The following ZPBP variants were observed in gnomAD, a reference collection of about 807,000 sequenced individuals.
ZPBP encodes the protein zona pellucida-binding protein 1.
In ZPBP, 26 loss-of-function variants were observed where a neutral mutation model predicts 44.8. The ratio of observed to expected loss-of-function variants is 0.58; its 90% confidence interval spans 0.43 to 0.81. The LOEUF (loss-of-function observed/expected upper bound fraction) is 0.81. Among genes scored for constraint, ZPBP ranks in the 30% least tolerant of loss-of-function variants. The pLI is 0.00. For synonymous variants in ZPBP, 174 were observed against 153.2 expected (o/e 1.14, Z -1.00); for missense variants, 409 against 434.0 (o/e 0.94, Z 0.51).
chr7:49,877,481 A>AAAAAAAATAC, intron 2 of ZPBP, among the ~76,000 whole-genome samples: 1 of 12,722 alleles, frequency 7.9e-5, no homozygotes, highest in Non-Finnish European at 1.4e-4. Context: ...AAAAAAAAAA[A>AAAAAAAATAC]ATATATATAT....
chr7:49,981,661 ATATATAT>A (rs1326930754), intron 7 of ZPBP, among the ~76,000 whole-genome samples: 5 of 56,030 alleles, frequency 8.9e-5, no homozygotes, highest in African/African-American at 2.1e-4. Flanking sequence ...TTGATATAAA[ATATATAT>A]TATATATTAT....
intron 2 of ZPBP, among the ~76,000 whole-genome samples, chr7:49,892,068 G>C (rs528084152): frequency 3.2e-4 from 36 of 114,192 alleles, no homozygotes; most frequent in Non-Finnish European, 5.4e-4. Context: ...TTTTTGAGAC[G>C]GAGTCTCGCT....
At chr7:49,943,496 C>T in intron 7 of ZPBP, 2 of 440,014 alleles carry the variant, frequency 4.5e-6, no homozygotes, top group Non-Finnish European at 4.5e-6. Flanking sequence ...ATGAACCCAA[C>T]ACTCATCTGT....
At chr7:49,992,938 G>A (rs1427188985) in intron 6 of ZPBP, among the ~76,000 whole-genome samples, 1 of 151,954 alleles carries the variant, frequency 6.6e-6, no homozygotes, top group Non-Finnish European at 1.5e-5. Flanking sequence ...ATAACAAGTA[G>A]AAAAATAAAA....
intron 2 of ZPBP, among the ~76,000 whole-genome samples, chr7:49,868,848 A>G (rs2128722563): frequency 6.6e-6 from 1 of 152,240 alleles, no homozygotes; most frequent in South Asian, 2.1e-4. Flanking sequence ...TGAACTCCTA[A>G]CCTCAAGTGA....
Position 50,093,183 on chromosome 7 carries a change from G to A in ZPBP, c.12C>T (p.Phe4=). 2 of 1,531,634 alleles carry A rather than the reference G, an allele frequency of 1.3e-6. No homozygotes were observed. Among genetic ancestry groups the A allele is most frequent in the Non-Finnish European group, 1.8e-6 (2 of 1,140,956 alleles). 94.9% of individuals were successfully genotyped at this position (1,531,634 alleles called of 1,614,324 possible). A position where few individuals can be genotyped will look rare whatever the true frequency, so the allele number is the denominator to read the frequency against. The part of the protein sequence containing the change: MEA[F]ALGPARRGRR... Reference sequence around the variant, plus strand: ...TGCCCCGCCGCGCTGGGCCAAGGGCGAAGGCCTCCATCCACACGCCGCCGT... The same window carrying A: ...TGCCCCGCCGCGCTGGGCCAAGGGCAAAGGCCTCCATCCACACGCCGCCGT... The change falls in exon 1 of 8, where the codon TTC becomes TTT. Residue 4 remains phenylalanine (F), a synonymous_variant. Transcript: ENST00000046087.
intron 4 of ZPBP, among the ~76,000 whole-genome samples, chr7:50,035,950 C>A (rs1358580604): frequency 1.3e-5 from 2 of 151,990 alleles, no homozygotes; most frequent in African/African-American, 4.8e-5. Flanking sequence ...AAAATATCGT[C>A]ATTGAAATAA....
chr7:50,064,144 G>A (rs921469876), intron 3 of ZPBP, among the ~76,000 whole-genome samples: 2 of 152,168 alleles, frequency 1.3e-5, no homozygotes, highest in African/African-American at 2.4e-5. Context: ...GGCATCCGGG[G>A]GAGACATCAC....
chr7:50,079,028 G>A (rs1045883024), intron 3 of ZPBP, among the ~76,000 whole-genome samples: 4 of 151,446 alleles, frequency 2.6e-5, no homozygotes, highest in Admixed American at 1.3e-4. Context: ...AGGAGTGAAT[G>A]AGGACACATC....
At chr7:49,963,014 A>G (rs565373272) in intron 7 of ZPBP, among the ~76,000 whole-genome samples, 1 of 151,792 alleles carries the variant, frequency 6.6e-6, no homozygotes, top group African/African-American at 2.4e-5. Context: ...CTTATAAGGA[A>G]ATACTAAAAA....
intron 2 of ZPBP, among the ~76,000 whole-genome samples, chr7:49,892,999 C>T (rs1169091705): frequency 3.9e-5 from 6 of 152,066 alleles, no homozygotes; most frequent in Admixed American, 2.0e-4. Flanking sequence ...TATTTGACAG[C>T]GGGGACACTT....
intron 1 of ZPBP, chr7:49,920,120 G>C (rs1224255093): frequency 6.6e-6 from 1 of 152,000 alleles, no homozygotes; most frequent in Non-Finnish European, 1.5e-5. Context: ...AAAATAAAAG[G>C]AGACATTAAT....
intron 3 of ZPBP, among the ~76,000 whole-genome samples, chr7:50,076,749 A>G (rs73340158): frequency 0.016 from 2,434 of 151,850 alleles, 75 homozygotes; most frequent in African/African-American, 0.055. Context: ...ACTGAAGAGG[A>G]CATCCAAAGA....
chr7:49,956,748 T>G (rs1327125905), intron 7 of ZPBP, among the ~76,000 whole-genome samples: 2 of 152,138 alleles, frequency 1.3e-5, no homozygotes, highest in African/African-American at 4.8e-5. Context: ...TTAATACAAT[T>G]GCTATCAATA....
chr7:49,845,278 A>C, the ZPBP span, among the ~76,000 whole-genome samples: 22 of 151,352 alleles, frequency 1.5e-4, no homozygotes, highest in African/African-American at 5.4e-4. Flanking sequence ...GTACCCTGGA[A>C]CTTAAAAGTC....
chr7:49,953,598 CA>C (rs896904651), intron 7 of ZPBP, among the ~76,000 whole-genome samples: 42 of 152,116 alleles, frequency 2.8e-4, no homozygotes, highest in Middle Eastern at 6.8e-3. Flanking sequence ...CTTGTGAAAA[CA>C]AAGACTCAGA....
At chr7:49,845,992 A>G (rs1374679945), downstream of ZPBP, among the ~76,000 whole-genome samples, 3 of 152,252 alleles carry the variant, frequency 2.0e-5, no homozygotes, top group African/African-American at 7.2e-5. Flanking sequence ...TGGTACAGTC[A>G]TGATAAAAGA....
At chr7:49,909,750 A>C (rs1166660656) in intron 1 of ZPBP, among the ~76,000 whole-genome samples, 1 of 152,158 alleles carries the variant, frequency 6.6e-6, no homozygotes, top group South Asian at 2.1e-4. Context: ...GGGTTCTCTG[A>C]AAGAGAAAGA....
chr7:50,014,214 A>G (rs898101067), intron 6 of ZPBP, among the ~76,000 whole-genome samples: 8 of 152,096 alleles, frequency 5.3e-5, no homozygotes, highest in African/African-American at 1.9e-4. Flanking sequence ...GGAAACTCCA[A>G]TCCTAACCCA....
Sources: gnomAD v4.1 joint callset for allele counts (sites outside exome capture counted in the v4.1 genomes callset) on GRCh38, gnomAD v4.1.1 for gene constraint, MANE v1.5 for transcripts, NCBI Gene and HGNC (gene_info 2026-07-23, HGNC 2026-07-21) for gene names.